Variants in STAMBPL1 observed in about 807,000 individuals in gnomAD.
STAMBPL1 encodes STAM binding protein like 1.
In STAMBPL1, 44 loss-of-function variants were observed where a neutral mutation model predicts 52.9. That is an observed-to-expected ratio of 0.83 (90% CI 0.65 to 1.07). The LOEUF (loss-of-function observed/expected upper bound fraction) is 1.07, where lower values mean the gene tolerates loss of function less well. Among genes scored for constraint, STAMBPL1 ranks in the 50% least tolerant of loss-of-function variants. The pLI is 0.00. For missense variants in STAMBPL1, 511 were observed against 520.8 expected, an observed-to-expected ratio of 0.98 and a Z score of 0.18; for synonymous variants, 164 against 177.3, an observed-to-expected ratio of 0.92 and a Z score of 0.60.
intron 1 of STAMBPL1, among the ~76,000 whole-genome samples, chr10:88,896,619 G>C (rs527608811): frequency 9.1e-4 from 139 of 152,180 alleles, no homozygotes; most frequent in Non-Finnish European, 1.6e-3. Context: ...ACTGCCAATG[G>C]GCCACACCTA....
intron 1 of STAMBPL1, among the ~76,000 whole-genome samples, chr10:88,896,872 ACACT>A (rs1437685000): frequency 2.6e-5 from 4 of 152,246 alleles, no homozygotes; most frequent in Admixed American, 6.5e-5. Flanking sequence ...GCACACACAC[ACACT>A]ATTTTAAGAA....
chr10:88,917,877 C>G (rs1306125504), intron 8 of STAMBPL1, among the ~76,000 whole-genome samples: 4 of 152,132 alleles, frequency 2.6e-5, no homozygotes, highest in African/African-American at 9.7e-5. Flanking sequence ...GAGGGCTGCT[C>G]TCAGCTTCCA....
In STAMBPL1 at chr10:88,910,897, G is replaced by GTA. The variant is rs1845204939; in HGVS notation, c.325-11_325-10dup. Reference sequence around the variant, plus strand: ...TATTGAAAATCCCACTAATCAATATGTATATATATTTTTAAAAGAAACTGA... The same window carrying GTA: ...TATTGAAAATCCCACTAATCAATATGTATATATATATTTTTAAAAGAAACTGA... On this transcript the variant is annotated intron_variant, in intron 4 of 10. Coordinates refer to ENST00000371926, the MANE Select transcript of STAMBPL1 (RefSeq NM_020799.4). 1 of 1,525,220 alleles carries GTA rather than the reference G, an allele frequency of 6.6e-7. No homozygotes were observed. Among genetic ancestry groups the GTA allele is most frequent in the African/African-American group, 1.4e-5 (1 of 71,260 alleles). The allele number at this position is 1,525,220 out of a possible 1,614,324, so 94.5% of individuals were successfully genotyped here.
At position 88,901,924 on chromosome 10, in the gene STAMBPL1, A is replaced by T. The variant is rs563698388; in HGVS notation, c.30+186A>T. Reference sequence around the variant, plus strand: ...AGCTATCTTTGTAAGACTTAAAAATAAATTTTATTTTCCACAAAAGTCTAA... The same window carrying T: ...AGCTATCTTTGTAAGACTTAAAAATTAATTTTATTTTCCACAAAAGTCTAA... On this transcript the variant is annotated intron_variant, in intron 2 of 10. Coordinates refer to ENST00000371926, the MANE Select transcript of STAMBPL1 (RefSeq NM_020799.4). Among the ~76,000 whole-genome samples, 4 of 152,366 alleles carry T rather than the reference A, an allele frequency of 2.6e-5. No individual in the cohort carries two copies. In the East Asian group the frequency reaches 7.7e-4, roughly 29 times the overall value.
At position 88,880,566 on chromosome 10, in the gene STAMBPL1, G is replaced by C. The variant is rs910090220; in HGVS notation, c.-126G>C. ...GTTGCAGCAGCCGGACGGATGCCAA[G>C]GCCACACGGCAGCCACGGGGGCAGC... On this transcript the variant is annotated 5_prime_UTR_variant, in exon 1 of 11. Transcript: ENST00000371926. The C allele has an allele frequency of 6.6e-6, 1 of 152,268 alleles. No homozygotes were observed. The highest frequency in any genetic ancestry group is 1.5e-5 in the Non-Finnish European group (1 of 68,052). 9.4% of individuals were successfully genotyped at this position (152,268 alleles called of 1,614,324 possible).
chr10:88,922,565 C>T (rs920031214), intron 10 of STAMBPL1, 129 bp downstream of exon 10: 1 of 740,770 alleles, frequency 1.3e-6, no homozygotes, highest in Non-Finnish European at 2.2e-6. Context: ...AGTTTTATCT[C>T]AGAAAATTAA....
intron 1 of STAMBPL1, among the ~76,000 whole-genome samples, chr10:88,882,309 G>C (rs182800513): frequency 1.8e-3 from 275 of 152,344 alleles, no homozygotes; most frequent in African/African-American, 6.1e-3. Context: ...CCTCAATAGA[G>C]AGATTTGCTT....
chr10:88,916,878 G>A, intron 8 of STAMBPL1, 61 bp downstream of exon 8: 2 of 1,388,388 alleles, frequency 1.4e-6, no homozygotes, highest in Non-Finnish European at 1.9e-6. Context: ...TTTCCTCCTT[G>A]AAGAAAAGTT....
At chr10:88,886,896 A>C (rs965532155) in intron 1 of STAMBPL1, among the ~76,000 whole-genome samples, 10 of 151,788 alleles carry the variant, frequency 6.6e-5, no homozygotes, top group Admixed American at 5.9e-4. Flanking sequence ...ATTATGGCTA[A>C]ATTTGGCTCA....
Position 88,923,234 on chromosome 10 carries a change from A to C in STAMBPL1, c.*10A>C. ...GTTGGATCTGAGGTGATATGTTCTG[A>C]ATGTAAGCACCGTCAACATCAGACA... On this transcript the variant is annotated 3_prime_UTR_variant, in exon 11 of 11. Coordinates refer to ENST00000371926, the MANE Select transcript of STAMBPL1 (RefSeq NM_020799.4). 1.3e-6 allele frequency: 2 copies of C among 1,598,154 alleles called. No homozygotes were observed. The highest frequency in any genetic ancestry group is 1.7e-6 in the Non-Finnish European group (2 of 1,175,738).
chr10:88,887,555 G>A (rs533748680), intron 1 of STAMBPL1, among the ~76,000 whole-genome samples: 1 of 152,238 alleles, frequency 6.6e-6, no homozygotes, highest in African/African-American at 2.4e-5. Flanking sequence ...TAAAACAAGG[G>A]TCGTGGTCTG....
intron 2 of STAMBPL1, among the ~76,000 whole-genome samples, chr10:88,902,992 T>C (rs952511844): frequency 2.6e-5 from 4 of 152,222 alleles, no homozygotes; most frequent in African/African-American, 7.2e-5. Context: ...TGTTCCACTA[T>C]GGTTAATAAA....
chr10:88,883,727 A>G (rs1214481806), intron 1 of STAMBPL1, among the ~76,000 whole-genome samples: 1 of 152,246 alleles, frequency 6.6e-6, no homozygotes, highest in Admixed American at 6.5e-5. Context: ...TGGTTGGCTT[A>G]GAGACATTAA....
intron 8 of STAMBPL1, among the ~76,000 whole-genome samples, chr10:88,919,131 TAGTC>T (rs1319680000): frequency 3.9e-5 from 6 of 152,118 alleles, no homozygotes; most frequent in Non-Finnish European, 2.9e-5. Context: ...GTCTGAAACA[TAGTC>T]AGACAGACAT....
Position 88,913,441 on chromosome 10 carries a change from C to T in STAMBPL1, c.761C>T (p.Thr254Ile), listed in dbSNP as rs202238568. The change falls in exon 6 of 11, where the codon ACT becomes ATT. Residue 254 changes from threonine (T) to isoleucine (I), a missense_variant. Physicochemically the swap from Thr to Ile is moderately conservative, Grantham distance 89. This residue lies in a region of STAMBPL1 where 358 missense variants were observed against 343.5 expected (regional missense o/e 1.04). Transcript: ENST00000371926. ...PVNRALTPAA[T>I]LSAVQNLVVE... ...AACAGGGCCTTAACGCCAGCTGCTACTCTAAGTGCTGTTCAGAGTAAGTGA... is the reference window on the plus strand; with the variant it reads ...AACAGGGCCTTAACGCCAGCTGCTATTCTAAGTGCTGTTCAGAGTAAGTGA... 11 of 1,612,000 alleles carry T rather than the reference C, an allele frequency of 6.8e-6. No individual in the cohort carries two copies. Among genetic ancestry groups the T allele is most frequent in the Non-Finnish European group, 8.5e-6 (10 of 1,178,808 alleles).
At position 88,923,271 on chromosome 10, in the gene STAMBPL1, A is replaced by C. The variant is rs1347575745; in HGVS notation, c.*47A>C. The C allele has an allele frequency of 6.5e-7, 1 of 1,537,962 alleles. No individual in the cohort carries two copies. Among genetic ancestry groups the C allele is most frequent in the South Asian group, 1.3e-5 (1 of 78,446 alleles). On this transcript the variant is annotated 3_prime_UTR_variant, in exon 11 of 11. Transcript: ENST00000371926. ...GTCAACATCAGACACCTACTCATGG[A>C]CATGTGGTTGCCGGATTTTCTTAAG...
rs762622996 is a variant in STAMBPL1 at position 88,922,189 on chromosome 10, G to A, written c.1155-148G>A. Reference sequence around the variant, plus strand: ...TTTCTCTCCTCTGGACCAGTCATTGGTTTAAAAAAAAAATCACTATGGAAT... The same window carrying A: ...TTTCTCTCCTCTGGACCAGTCATTGATTTAAAAAAAAAATCACTATGGAAT... On this transcript the variant is annotated intron_variant, in intron 9 of 10. Transcript: ENST00000371926. 9.9e-4 allele frequency: 756 copies of A among 767,102 alleles called. 3 individuals are homozygous for A. Among genetic ancestry groups the A allele is most frequent in the Non-Finnish European group, 1.3e-3 (653 of 484,672 alleles). The allele number at this position is 767,102 out of a possible 1,614,324, so 47.5% of individuals were successfully genotyped here. A position where few individuals can be genotyped will look rare whatever the true frequency, so the allele number is the denominator to read the frequency against.
At position 88,923,248 on chromosome 10, in the gene STAMBPL1, C is replaced by T; in HGVS notation, c.*24C>T. On this transcript the variant is annotated 3_prime_UTR_variant, in exon 11 of 11. Coordinates refer to ENST00000371926, the MANE Select transcript of STAMBPL1 (RefSeq NM_020799.4). ...GATATGTTCTGAATGTAAGCACCGT[C>T]AACATCAGACACCTACTCATGGACA... 6.3e-7 allele frequency: 1 copy of T among 1,581,542 alleles called. No individual in the cohort carries two copies. The highest frequency in any genetic ancestry group is 8.5e-7 in the Non-Finnish European group (1 of 1,169,772).
chr10:88,881,422 G>C (rs917072010), intron 1 of STAMBPL1, among the ~76,000 whole-genome samples: 7 of 151,996 alleles, frequency 4.6e-5, no homozygotes, highest in Non-Finnish European at 8.8e-5. Context: ...GGGGTGGGGT[G>C]GCTTGCTTCC....
Sources: allele counts gnomAD v4.1 joint callset (sites outside exome capture counted in the v4.1 genomes callset), GRCh38; gene constraint gnomAD v4.1.1; regional missense constraint gnomAD v4.1.1; transcripts MANE v1.5; gene names NCBI Gene and HGNC (gene_info 2026-07-23, HGNC 2026-07-21).